Variants in PTPRE observed in about 807,000 individuals in gnomAD.
PTPRE encodes the protein receptor-type tyrosine-protein phosphatase epsilon.
Under a neutral mutation model 102.0 loss-of-function variants are expected in PTPRE, and 51 were observed. The observed-to-expected ratio is 0.50, with a 90% CI of 0.40 to 0.63. The LOEUF (loss-of-function observed/expected upper bound fraction) is 0.63. PTPRE is among the 30% of genes least tolerant of loss of function. PTPRE has a pLI of 0.00. For synonymous variants in PTPRE, 345 were observed against 348.2 expected (o/e 0.99, Z 0.10); for missense variants, 752 against 915.1 (o/e 0.82, Z 2.30).
At chr10:128,055,166 C>T (rs916374254) in intron 6 of PTPRE, among the ~76,000 whole-genome samples, 43 of 152,172 alleles carry the variant, frequency 2.8e-4, no homozygotes, top group African/African-American at 5.1e-4. Flanking sequence ...CCAGTGGCCC[C>T]GGGTCCAGCC....
chr10:127,907,220 C>T lies in PTPRE; in HGVS notation c.-120C>T, dbSNP rs1168852885. 3.1e-6 allele frequency: 3 copies of T among 981,716 alleles called. No individual in the cohort carries two copies. The highest frequency in any genetic ancestry group is 4.7e-5 in the South Asian group (1 of 21,224). The allele number at this position is 981,716 out of a possible 1,614,324, so 60.8% of individuals were successfully genotyped here. The stretch of plus-strand genomic sequence containing the variant: ...CTTCTTCGCGCCCGGCGAAGACAGC[C>T]GGGCGCCCCGGAGGGCGGCGGGCAG... On this transcript the variant is annotated 5_prime_UTR_variant, in exon 1 of 21. Transcript: ENST00000254667. The surrounding 1 kb of genome is among the most constrained non-coding windows in gnomAD (Gnocchi z 4.8).
At chr10:127,999,451 C>T (rs1853644860) in intron 2 of PTPRE, 1 of 704,666 alleles carries the variant, frequency 1.4e-6, no homozygotes, top group Non-Finnish European at 1.7e-6. Context: ...CTTTCTTCCT[C>T]CCTGTGGGCT....
intron 1 of PTPRE, among the ~76,000 whole-genome samples, chr10:127,957,203 G>T (rs1017250325): frequency 6.6e-6 from 1 of 151,956 alleles, no homozygotes; most frequent in African/African-American, 2.4e-5. Context: ...TTATAATTTT[G>T]CATCTTACAT....
intron 2 of PTPRE, among the ~76,000 whole-genome samples, chr10:128,026,196 C>T (rs923869038): frequency 6.6e-6 from 1 of 152,238 alleles, no homozygotes; most frequent in Non-Finnish European, 1.5e-5. Context: ...CAGCGCCTCT[C>T]TGGTTGGCCA....
chr10:128,031,167 T>G (rs760475599), intron 2 of PTPRE, among the ~76,000 whole-genome samples: 15 of 152,238 alleles, frequency 9.9e-5, no homozygotes, highest in Non-Finnish European at 2.1e-4. Context: ...ACAGTCTCCC[T>G]CAACTGGCAG....
intron 1 of PTPRE, among the ~76,000 whole-genome samples, chr10:127,958,919 G>A (rs535843328): frequency 7.1e-6 from 1 of 139,926 alleles, no homozygotes; most frequent in Admixed American, 7.3e-5. Context: ...TTCCTGAGAC[G>A]GAGTTTCACT....
At chr10:127,950,081 C>A (rs1848908640) in intron 1 of PTPRE, among the ~76,000 whole-genome samples, 2 of 152,012 alleles carry the variant, frequency 1.3e-5, no homozygotes, top group South Asian at 2.1e-4. Context: ...GAAGTCCCAG[C>A]AGCCCCTACA....
chr10:128,070,499 C>G lies in PTPRE; in HGVS notation c.1293+49C>G, dbSNP rs1400195511. On this transcript the variant is annotated intron_variant, in intron 14 of 20. Coordinates refer to ENST00000254667, the MANE Select transcript of PTPRE (RefSeq NM_006504.6). This position sits in a 1 kb window ranked among gnomAD's most constrained non-coding sequence, Gnocchi z 4.8. ...CCATCCTGGTGTAAGCAGCCAAGGGCACGAGGAAAACAGGTGACCATTTAA... is the reference window on the plus strand; with the variant it reads ...CCATCCTGGTGTAAGCAGCCAAGGGGACGAGGAAAACAGGTGACCATTTAA... The G allele has an allele frequency of 6.3e-7, 1 of 1,584,436 alleles. No homozygotes were observed. The highest frequency in any genetic ancestry group is 8.6e-7 in the Non-Finnish European group (1 of 1,166,058).
intron 2 of PTPRE, among the ~76,000 whole-genome samples, chr10:128,026,373 C>T (rs1846293101): frequency 6.6e-6 from 1 of 152,244 alleles, no homozygotes; most frequent in African/African-American, 2.4e-5. Flanking sequence ...TTATCCCTTC[C>T]TCCTTTCCAC....
chr10:127,990,918 G>A (rs1356714838), intron 2 of PTPRE, among the ~76,000 whole-genome samples: 2 of 152,182 alleles, frequency 1.3e-5, no homozygotes, highest in Non-Finnish European at 2.9e-5. Flanking sequence ...GAGAATCCGT[G>A]GGCTTTGATT....
intron 2 of PTPRE, among the ~76,000 whole-genome samples, chr10:128,036,996 A>C (rs917224291): frequency 6.6e-6 from 1 of 152,204 alleles, no homozygotes; most frequent in African/African-American, 2.4e-5. Context: ...CTGGCGGCTC[A>C]TGACTCGTAG....
chr10:128,020,580 G>A (rs1269573095), intron 2 of PTPRE, among the ~76,000 whole-genome samples: 1 of 152,142 alleles, frequency 6.6e-6, no homozygotes, highest in Non-Finnish European at 1.5e-5. Context: ...AAAAAGAAAA[G>A]AAAAACAGCT....
At chr10:128,010,165 C>T (rs1456987464) in intron 2 of PTPRE, among the ~76,000 whole-genome samples, 1 of 152,224 alleles carries the variant, frequency 6.6e-6, no homozygotes, top group Admixed American at 6.5e-5. Context: ...CCAGCCCTTC[C>T]AGCCTGGATA....
At chr10:127,917,756 A>G (rs1020538285) in intron 1 of PTPRE, among the ~76,000 whole-genome samples, 6 of 152,118 alleles carry the variant, frequency 3.9e-5, no homozygotes, top group Non-Finnish European at 8.8e-5. Flanking sequence ...TAGGCTGGGC[A>G]CGGTGGCTCA....
intron 1 of PTPRE, among the ~76,000 whole-genome samples, chr10:127,948,988 G>A (rs1848825163): frequency 6.6e-6 from 1 of 152,228 alleles, no homozygotes; most frequent in Non-Finnish European, 1.5e-5. Context: ...TGCTGGAACT[G>A]GGATACACCC....
chr10:128,059,680 G>A (rs1035152159), intron 7 of PTPRE, among the ~76,000 whole-genome samples: 1 of 152,146 alleles, frequency 6.6e-6, no homozygotes, highest in Non-Finnish European at 1.5e-5. Flanking sequence ...CGAGCCGGAC[G>A]TTCCTGGGAA....
rs538069871 is a variant in PTPRE at position 127,930,433 on chromosome 10, G to T, written c.-31+23124G>T. Reference sequence around the variant, plus strand: ...GCACACGGATTTAAGAAACATCCTTGTGTGTATCAATAGTCCATTCCATTT... The same window carrying T: ...GCACACGGATTTAAGAAACATCCTTTTGTGTATCAATAGTCCATTCCATTT... On this transcript the variant is annotated intron_variant, in intron 1 of 20. Coordinates refer to ENST00000254667, the MANE Select transcript of PTPRE (RefSeq NM_006504.6). Among the ~76,000 whole-genome samples the T allele has an allele frequency of 3.9e-5, 6 of 152,300 alleles. No individual in the cohort carries two copies. In the South Asian group the frequency reaches 1.2e-3, roughly 32 times the overall value.
rs367833771 is a variant in PTPRE at position 128,063,148 on chromosome 10, G to C, written c.691G>C (p.Val231Leu). Residue 231 changes from valine to leucine, a missense_variant, in exon 10 of 21, where the codon GTC becomes CTC. Physicochemically the swap from Val to Leu is conservative, Grantham distance 32 (BLOSUM62 1). This residue lies in a region of PTPRE where 636 missense variants were observed against 824.4 expected (regional missense o/e 0.77). Coordinates refer to ENST00000254667, the MANE Select transcript of PTPRE (RefSeq NM_006504.6). ...CTGGGAGCAAAAGTCTGCGACCATCGTCATGTTAACAAACTTGAAAGAAAG... is the reference window on the plus strand; with the variant it reads ...CTGGGAGCAAAAGTCTGCGACCATCCTCATGTTAACAAACTTGAAAGAAAG... ...MVWEQKSATI[V>L]MLTNLKERKE... 2 of 1,614,082 alleles carry C rather than the reference G, an allele frequency of 1.2e-6. No individual in the cohort carries two copies. The highest frequency in any genetic ancestry group is 8.5e-7 in the Non-Finnish European group (1 of 1,180,052).
chr10:128,022,647 C>T (rs1845992813), intron 2 of PTPRE, among the ~76,000 whole-genome samples: 1 of 152,202 alleles, frequency 6.6e-6, no homozygotes, highest in Non-Finnish European at 1.5e-5. Flanking sequence ...AGGGCCCTGA[C>T]TCACAGGAGC....
Sources: gnomAD v4.1 joint callset for allele counts (sites outside exome capture counted in the v4.1 genomes callset) on GRCh38, gnomAD v4.1.1 for gene constraint, gnomAD v4.1.1 regional missense constraint, Gnocchi (gnomAD v3.1) non-coding constraint, MANE v1.5 for transcripts, NCBI Gene and HGNC (gene_info 2026-07-23, HGNC 2026-07-21) for gene names.